Variants in ENPP3 observed in about 807,000 individuals in gnomAD.
ENPP3 encodes ectonucleotide pyrophosphatase/phosphodiesterase family member 3.
Under a neutral mutation model 117.8 loss-of-function variants are expected in ENPP3, and 104 were observed. That is an observed-to-expected ratio of 0.88 (90% CI 0.75 to 1.04). The LOEUF (loss-of-function observed/expected upper bound fraction) is 1.04. Ranked by LOEUF, ENPP3 falls within the 50% of genes least tolerant of loss-of-function variation. The pLI is 0.00. For synonymous variants in ENPP3, 380 were observed against 349.9 expected, an observed-to-expected ratio of 1.09 and a Z score of -0.96; for missense variants, 1,026 against 1,051.9, an observed-to-expected ratio of 0.98 and a Z score of 0.34.
chr6:131,720,500 A>G (rs932761204), intron 17 of ENPP3, 121 bp downstream of exon 17: 7 of 521,918 alleles, frequency 1.3e-5, no homozygotes, highest in African/African-American at 2.0e-5. Flanking sequence ...GGCAGAAAGT[A>G]AAAAAGATAA....
At chr6:131,671,438 A>G (rs977581970) in intron 7 of ENPP3, 111 bp downstream of exon 7, 6 of 700,968 alleles carry the variant, frequency 8.6e-6, no homozygotes, top group African/African-American at 3.6e-5. Flanking sequence ...TCTGAAGCAC[A>G]TGGGGGGATA....
At chr6:131,687,239 G>A (rs1229161599) in intron 14 of ENPP3, among the ~76,000 whole-genome samples, 1 of 152,084 alleles carries the variant, frequency 6.6e-6, no homozygotes, top group East Asian at 1.9e-4. Flanking sequence ...TCTCATTGTG[G>A]TTTTGATTTG....
intron 11 of ENPP3, among the ~76,000 whole-genome samples, chr6:131,682,417 C>G (rs923158844): frequency 6.6e-6 from 1 of 152,062 alleles, no homozygotes; most frequent in Non-Finnish European, 1.5e-5. Flanking sequence ...TTGCTTTAGT[C>G]CATAAGATCA....
At chr6:131,698,170 A>G (rs1779451084) in intron 15 of ENPP3, among the ~76,000 whole-genome samples, 1 of 152,074 alleles carries the variant, frequency 6.6e-6, no homozygotes. Context: ...AGGATGATCA[A>G]TTTGGGAAAT....
At chr6:131,728,824 A>C (rs1336913633) in intron 20 of ENPP3, among the ~76,000 whole-genome samples, 1 of 152,192 alleles carries the variant, frequency 6.6e-6, no homozygotes, top group Non-Finnish European at 1.5e-5. Context: ...ATGGTCGTAG[A>C]ACAGCTGATT....
At chr6:131,685,628 T>C (rs541192348) in intron 13 of ENPP3, 133 bp downstream of exon 13, 1 of 851,702 alleles carries the variant, frequency 1.2e-6, no homozygotes, top group Non-Finnish European at 1.9e-6. Context: ...GAGAAACAAG[T>C]GGGAAATTCC....
At chr6:131,675,848 A>G (rs1350562349) in intron 9 of ENPP3, among the ~76,000 whole-genome samples, 2 of 152,194 alleles carry the variant, frequency 1.3e-5, no homozygotes, top group African/African-American at 4.8e-5. Context: ...TCTCAAATGA[A>G]TAAAATAAAA....
chr6:131,668,827 G>T (rs1778679076), intron 6 of ENPP3, among the ~76,000 whole-genome samples: 1 of 152,134 alleles, frequency 6.6e-6, no homozygotes, highest in African/African-American at 2.4e-5. Context: ...CTTTCCAGTA[G>T]TCTGTTCAAG....
intron 15 of ENPP3, among the ~76,000 whole-genome samples, chr6:131,694,907 G>A (rs1779370918): frequency 6.6e-6 from 1 of 151,434 alleles, no homozygotes; most frequent in African/African-American, 2.4e-5. Context: ...CAAGGGACAA[G>A]GGACAAGGGA....
At chr6:131,741,983 G>A (rs952942886) in intron 24 of ENPP3, among the ~76,000 whole-genome samples, 1 of 152,172 alleles carries the variant, frequency 6.6e-6, no homozygotes, top group Admixed American at 6.6e-5. Context: ...TGATGTAAGA[G>A]AGGGACAGAT....
At chr6:131,679,065 C>CT (rs766274144) in intron 11 of ENPP3, among the ~76,000 whole-genome samples, 1 of 126,454 alleles carries the variant, frequency 7.9e-6, no homozygotes, top group Non-Finnish European at 1.6e-5. Context: ...TTCTTTCTTT[C>CT]TTTCTTTCTT....
intron 6 of ENPP3, among the ~76,000 whole-genome samples, chr6:131,666,171 T>C (rs769096525): frequency 1.3e-5 from 2 of 152,164 alleles, no homozygotes; most frequent in Non-Finnish European, 2.9e-5. Context: ...GAAAAACATG[T>C]TGTGTTGGGT....
intron 15 of ENPP3, among the ~76,000 whole-genome samples, chr6:131,717,122 G>A (rs1048453269): frequency 2.0e-5 from 3 of 152,048 alleles, no homozygotes; most frequent in Admixed American, 1.3e-4. Context: ...CCCCATTCCA[G>A]GTACTTACCT....
At chr6:131,745,258 T>C (rs1441018107) in intron 24 of ENPP3, among the ~76,000 whole-genome samples, 2 of 150,434 alleles carry the variant, frequency 1.3e-5, no homozygotes, top group South Asian at 4.2e-4. Context: ...AACTCTAACA[T>C]GGCGCATTTT....
chr6:131,681,863 G>A (rs771781795), intron 11 of ENPP3, among the ~76,000 whole-genome samples: 46 of 152,070 alleles, frequency 3.0e-4, no homozygotes, highest in Non-Finnish European at 5.6e-4. Flanking sequence ...ATGGGGAGAG[G>A]GAGTTTTACT....
chr6:131,719,288 T>G (rs1275251282), intron 16 of ENPP3, among the ~76,000 whole-genome samples: 1 of 151,360 alleles, frequency 6.6e-6, no homozygotes, highest in African/African-American at 2.4e-5. Context: ...AGGGCCAAAA[T>G]TGGGAGTGTG....
intron 21 of ENPP3, 152 bp from the exon 22 acceptor site, chr6:131,737,203 C>G: frequency 1.8e-6 from 1 of 548,770 alleles, no homozygotes; most frequent in Non-Finnish European, 3.2e-6. Context: ...CATAAAACTG[C>G]CTGCATTATT....
intron 20 of ENPP3, 102 bp downstream of exon 20, chr6:131,726,302 G>A: frequency 9.9e-7 from 1 of 1,005,584 alleles, no homozygotes; most frequent in Admixed American, 2.1e-5. Flanking sequence ...TCAAAGGGAG[G>A]GAACTCACTG....
intron 5 of ENPP3, among the ~76,000 whole-genome samples, chr6:131,655,995 A>C (rs1778376545): frequency 6.6e-6 from 1 of 152,218 alleles, no homozygotes; most frequent in Non-Finnish European, 1.5e-5. Context: ...TGCTGCTAAA[A>C]ATTTTAGTGG....
Sources: gnomAD v4.1 joint callset for allele counts (sites outside exome capture counted in the v4.1 genomes callset) on GRCh38, gnomAD v4.1.1 for gene constraint, MANE v1.5 for transcripts, NCBI Gene and HGNC (gene_info 2026-07-23, HGNC 2026-07-21) for gene names.